The following HPS1 variants were observed in gnomAD, a reference collection of about 807,000 sequenced individuals.
HPS1 encodes HPS1 biogenesis of lysosomal organelles complex 3 subunit 1.
In HPS1, 59 loss-of-function variants were observed where a neutral mutation model predicts 90.6. The ratio of observed to expected loss-of-function variants is 0.65; its 90% CI spans 0.53 to 0.81. The LOEUF (loss-of-function observed/expected upper bound fraction) is 0.81. Ranked by LOEUF, HPS1 falls within the 30% of genes least tolerant of loss-of-function variation. HPS1 has a pLI of 0.00. For missense variants in HPS1, 849 were observed against 896.7 expected (o/e 0.95, Z 0.68); for synonymous variants, 388 against 384.4 (o/e 1.01, Z -0.11).
At chr10:98,429,512 C>T (rs1475349358) in intron 10 of HPS1, 61 bp downstream of exon 10, 2 of 1,613,172 alleles carry the variant, frequency 1.2e-6, no homozygotes, top group Non-Finnish European at 1.7e-6. Context: ...AGACAGATGT[C>T]CTGGGCTGCC....
chr10:98,432,189 G>T (rs1232772622), intron 6 of HPS1, among the ~76,000 whole-genome samples: 1 of 152,226 alleles, frequency 6.6e-6, no homozygotes, highest in Non-Finnish European at 1.5e-5. Context: ...GGCCTGGTAG[G>T]CTTGGGAAGA....
chr10:98,415,271 T>G (rs111435550), downstream of HPS1: 1 of 1,221,466 alleles, frequency 8.2e-7, no homozygotes. Context: ...CCCTCCACCA[T>G]GCATTCTTGG....
rs371779884 is a variant in HPS1, at chr10:98,433,970, G to A, written c.507+13C>T. ...AGCTTCAAGTCCTGAGGACTCCCGC[G>A]CCCAGTAGTCACCTCCACGGCGAAG... is the stretch of plus-strand genomic sequence containing the variant. On this transcript the variant is annotated intron_variant, in intron 6 of 19. Coordinates refer to ENST00000361490, the MANE Select transcript of HPS1 (RefSeq NM_000195.5). 3.2e-4 allele frequency: 495 copies of A among 1,553,546 alleles called. No homozygotes were observed. Among genetic ancestry groups the A allele is most frequent in the Non-Finnish European group, 4.2e-4 (478 of 1,148,270 alleles).
Sources: allele counts gnomAD v4.1 joint callset (sites outside exome capture counted in the v4.1 genomes callset), GRCh38; gene constraint gnomAD v4.1.1; transcripts MANE v1.5; gene names NCBI Gene and HGNC (gene_info 2026-07-23, HGNC 2026-07-21).